Variants in GLG1 observed in about 807,000 individuals in gnomAD.
The protein encoded by GLG1 is golgi glycoprotein 1, also known as Golgi apparatus protein 1.
A neutral mutation model predicts 160.5 loss-of-function variants in GLG1; 38 were observed. The ratio of observed to expected loss-of-function variants is 0.24; its 90% CI spans 0.18 to 0.31. GLG1 has a LOEUF of 0.31. Among genes scored for constraint, GLG1 ranks in the 10% least tolerant of loss-of-function variants. GLG1 has a pLI of 1.00. For synonymous variants in GLG1, 644 were observed against 543.4 expected (o/e 1.19, Z -2.57); for missense variants, 1,373 against 1,505.2 (o/e 0.91, Z 1.45).
At chr16:74,507,405 T>C (rs2016651325) in intron 3 of GLG1, among the ~76,000 whole-genome samples, 1 of 151,956 alleles carries the variant, frequency 6.6e-6, no homozygotes, top group South Asian at 2.1e-4. Flanking sequence ...CATATGCGGG[T>C]ATATATATAT....
chr16:74,549,314 T>C (rs1280372505), intron 1 of GLG1, among the ~76,000 whole-genome samples: 2 of 152,060 alleles, frequency 1.3e-5, no homozygotes, highest in Non-Finnish European at 1.5e-5. Flanking sequence ...TTTTTTTTGA[T>C]ATGGAGTCTT....
intron 18 of GLG1, among the ~76,000 whole-genome samples, chr16:74,467,369 A>C (rs1371316991): frequency 1.3e-5 from 2 of 152,290 alleles, no homozygotes; most frequent in East Asian, 1.9e-4. Flanking sequence ...GGTGATTCTG[A>C]TGTGACGTCT....
intron 1 of GLG1, among the ~76,000 whole-genome samples, chr16:74,541,915 C>T (rs1368469804): frequency 3.3e-5 from 5 of 151,498 alleles, no homozygotes; most frequent in African/African-American, 9.7e-5. Context: ...AGGATATACA[C>T]AGACACCTCA....
At chr16:74,537,977 G>A (rs1364612533) in intron 1 of GLG1, among the ~76,000 whole-genome samples, 4 of 152,092 alleles carry the variant, frequency 2.6e-5, no homozygotes, top group African/African-American at 9.7e-5. Context: ...AGAAATTAAA[G>A]GATTCATAAA....
chr16:74,521,574 T>C (rs570380341), intron 2 of GLG1, among the ~76,000 whole-genome samples: 37 of 151,942 alleles, frequency 2.4e-4, no homozygotes, highest in African/African-American at 8.7e-4. Context: ...GAGCCACTAG[T>C]GGGGATGGGG....
At chr16:74,474,298 A>G in intron 13 of GLG1, 5 of 409,016 alleles carry the variant, frequency 1.2e-5, no homozygotes, top group Non-Finnish European at 2.2e-5. Flanking sequence ...TCTAATGACT[A>G]TGATAAACCT....
chr16:74,492,247 T>C (rs2016024195), intron 7 of GLG1, among the ~76,000 whole-genome samples: 1 of 150,210 alleles, frequency 6.7e-6, no homozygotes, highest in South Asian at 2.1e-4. Flanking sequence ...TAGCTGGGCA[T>C]AGTGGTGCGT....
At chr16:74,486,871 T>TACTACAGATAAGTAGTAAAG (rs2015801523) in intron 8 of GLG1, among the ~76,000 whole-genome samples, 1 of 152,114 alleles carries the variant, frequency 6.6e-6, no homozygotes, top group Non-Finnish European at 1.5e-5. Context: ...GAAAGATGAT[T>TACTACAGATAAGTAGTAAAG]ATTACTACAG....
intron 1 of GLG1, among the ~76,000 whole-genome samples, chr16:74,596,074 TG>T (rs1958295409): frequency 6.6e-6 from 1 of 151,666 alleles, no homozygotes; most frequent in Admixed American, 6.6e-5. Context: ...CCCTTATACG[TG>T]AAAGTGGAGT....
intron 1 of GLG1, among the ~76,000 whole-genome samples, chr16:74,573,203 C>A: frequency 6.6e-6 from 1 of 152,032 alleles, no homozygotes; most frequent in African/African-American, 2.4e-5. Context: ...TATTTCTAGA[C>A]AAAAAAACCC....
At chr16:74,545,800 A>C (rs1461273222) in intron 1 of GLG1, among the ~76,000 whole-genome samples, 1 of 152,192 alleles carries the variant, frequency 6.6e-6, no homozygotes, top group Admixed American at 6.5e-5. Context: ...TCTAAGTTTT[A>C]CTTAGGAAAT....
intron 1 of GLG1, among the ~76,000 whole-genome samples, chr16:74,556,314 C>T (rs2018351896): frequency 6.6e-6 from 1 of 152,044 alleles, no homozygotes; most frequent in Non-Finnish European, 1.5e-5. Context: ...ATTATCTTAC[C>T]ATTTTACAAT....
At chr16:74,594,345 C>A (rs1290218423) in intron 1 of GLG1, among the ~76,000 whole-genome samples, 1 of 152,120 alleles carries the variant, frequency 6.6e-6, no homozygotes, top group Admixed American at 6.6e-5. Context: ...GTTATTCAAG[C>A]CTTTAATAGG....
At chr16:74,518,628 T>C (rs1467377103) in intron 2 of GLG1, among the ~76,000 whole-genome samples, 1 of 152,152 alleles carries the variant, frequency 6.6e-6, no homozygotes, top group Non-Finnish European at 1.5e-5. Context: ...ATTAATACCA[T>C]TCAGGACATA....
At chr16:74,555,520 C>T (rs1379816778) in intron 1 of GLG1, among the ~76,000 whole-genome samples, 1 of 151,718 alleles carries the variant, frequency 6.6e-6, no homozygotes, top group Non-Finnish European at 1.5e-5. Context: ...GACCTCATCT[C>T]TACAAAAAAA....
chr16:74,477,977 A>AAAAAAATAAATAAAT (rs55773213), intron 11 of GLG1, among the ~76,000 whole-genome samples: 1 of 140,148 alleles, frequency 7.1e-6, no homozygotes, highest in Admixed American at 7.5e-5. Context: ...CCGTCTCAAA[A>AAAAAAATAAATAAAT]AAATAAATAA....
chr16:74,496,112 A>T (rs115142382), intron 5 of GLG1, among the ~76,000 whole-genome samples: 3,921 of 152,128 alleles, frequency 0.026, 145 homozygotes, highest in African/African-American at 0.082. Flanking sequence ...AAAAATTTTT[A>T]AAAAAATTGG....
rs1428932503 is a variant in GLG1, at chr16:74,483,060, G to C, written c.1636C>G (p.Leu546Val). The change falls in exon 10 of 26, where the codon CTC becomes GTC. Residue 546 changes from leucine to valine, a missense_variant. Leu to Val is a conservative substitution (Grantham distance 32). Transcript: ENST00000422840. ...GAGATGAAATACTGCAGCTCTAAGAGACGGTGTTCACAGTCTTCTACCATC... is the reference window on the plus strand; with the variant it reads ...GAGATGAAATACTGCAGCTCTAAGACACGGTGTTCACAGTCTTCTACCATC... Reference protein sequence around the residue: ...EKMVEDCEHRLLELQYFISRD... With the variant: ...EKMVEDCEHRVLELQYFISRD... 1 of 1,609,352 alleles carries C rather than the reference G, an allele frequency of 6.2e-7. No individual in the cohort carries two copies. The highest frequency in any genetic ancestry group is 1.3e-5 in the African/African-American group (1 of 74,828).
chr16:74,468,036 CTTCTTT>C, intron 17 of GLG1, 188 bp from the exon 18 acceptor site: 1 of 527,274 alleles, frequency 1.9e-6, no homozygotes, highest in Middle Eastern at 4.6e-4. Flanking sequence ...GGCCTTGGAC[CTTCTTT>C]GCAAAACACA....
Sources: allele counts gnomAD v4.1 joint callset (sites outside exome capture counted in the v4.1 genomes callset), GRCh38; gene constraint gnomAD v4.1.1; transcripts MANE v1.5; gene names NCBI Gene and HGNC (gene_info 2026-07-23, HGNC 2026-07-21).